ANTXRL: variants seen among roughly 807,000 people sequenced by gnomAD.
ANTXRL encodes anthrax toxin receptor-like.
In ANTXRL, 63 loss-of-function variants were observed where a neutral mutation model predicts 75.4. The ratio of observed to expected loss-of-function variants is 0.84; its 90% CI spans 0.68 to 1.03. ANTXRL has a LOEUF of 1.03. Ranked by LOEUF, ANTXRL falls within the 50% of genes least tolerant of loss-of-function variation. The pLI is 0.00. For synonymous variants in ANTXRL, 335 were observed against 291.3 expected (o/e 1.15, Z -1.53); for missense variants, 797 against 789.4 (o/e 1.01, Z -0.12).
intron 14 of ANTXRL, among the ~76,000 whole-genome samples, chr10:46,310,797 G>A (rs1838376171): frequency 6.6e-6 from 1 of 152,142 alleles, no homozygotes; most frequent in African/African-American, 2.4e-5. Flanking sequence ...AGGACCTTTT[G>A]TAAGATGCTA....
chr10:46,327,508 G>A (rs1554966745), intron 16 of ANTXRL, among the ~76,000 whole-genome samples: 1 of 152,098 alleles, frequency 6.6e-6, no homozygotes, highest in African/African-American at 2.4e-5. Context: ...CAGGGTCTGA[G>A]GGGGCACAAG....
intron 9 of ANTXRL, among the ~76,000 whole-genome samples, chr10:46,299,410 A>T (rs72790474): frequency 0.16 from 25,051 of 151,842 alleles, 1,782 homozygotes; most frequent in Non-Finnish European, 0.19. Flanking sequence ...GGGTTGTGAC[A>T]GTCCTGTGTG....
chr10:46,288,961 G>A (rs1836868345), intron 1 of ANTXRL, among the ~76,000 whole-genome samples: 1 of 152,218 alleles, frequency 6.6e-6, no homozygotes, highest in Non-Finnish European at 1.5e-5. Context: ...CAATGAGCCA[G>A]GTCATGGCCA....
chr10:46,306,887 CAGG>C lies in ANTXRL; in HGVS notation c.965+19_965+21del. 6.6e-7 allele frequency: 1 copy of C among 1,520,646 alleles called. No individual in the cohort carries two copies. The highest frequency in any genetic ancestry group is 8.8e-7 in the Non-Finnish European group (1 of 1,139,326). 94.2% of individuals were successfully genotyped at this position (1,520,646 alleles called of 1,614,324 possible). On this transcript the variant is annotated intron_variant, in intron 11 of 16. Transcript: ENST00000620264. ...AAACCTGGAGAGTAAGTGCCCCTGG[CAGG>C]AGGCTAGAGGGCAAGAGACCAGGGA...
At chr10:46,294,161 C>A (rs59064997) in intron 3 of ANTXRL, 15 of 510,240 alleles carry the variant, frequency 2.9e-5, no homozygotes, top group African/African-American at 2.3e-4. Context: ...GCCCTCTCTC[C>A]GCTCTGCCTC....
intron 1 of ANTXRL, among the ~76,000 whole-genome samples, chr10:46,291,170 A>G (rs1165642538): frequency 6.6e-6 from 1 of 152,102 alleles, no homozygotes; most frequent in Non-Finnish European, 1.5e-5. Flanking sequence ...TCCCTGCACC[A>G]TTTCTTGAAA....
intron 16 of ANTXRL, among the ~76,000 whole-genome samples, chr10:46,314,314 C>G (rs577593899): frequency 3.9e-5 from 6 of 152,132 alleles, no homozygotes; most frequent in Non-Finnish European, 8.8e-5. Context: ...GCACAGGGCT[C>G]TCAATCCCAG....
At chr10:46,322,021 A>G (rs1212942113) in intron 16 of ANTXRL, among the ~76,000 whole-genome samples, 1 of 152,124 alleles carries the variant, frequency 6.6e-6, no homozygotes, top group Non-Finnish European at 1.5e-5. Context: ...GCACAGTAAA[A>G]TGAGTTTCCT....
At chr10:46,298,993 A>G (rs1837556040) in intron 9 of ANTXRL, among the ~76,000 whole-genome samples, 1 of 151,918 alleles carries the variant, frequency 6.6e-6, no homozygotes, top group African/African-American at 2.4e-5. Context: ...GTAACCTCAC[A>G]ACGGTAAGTT....
intron 16 of ANTXRL, among the ~76,000 whole-genome samples, chr10:46,323,509 T>C (rs1839075431): frequency 1.3e-5 from 2 of 152,172 alleles, no homozygotes; most frequent in African/African-American, 2.4e-5. Flanking sequence ...AAATGCTGTG[T>C]TTGGTTGAAA....
At chr10:46,325,777 T>C (rs1017194606) in intron 16 of ANTXRL, among the ~76,000 whole-genome samples, 1 of 152,130 alleles carries the variant, frequency 6.6e-6, no homozygotes, top group African/African-American at 2.4e-5. Context: ...ATGTAAAATG[T>C]GTTCAGCATT....
At chr10:46,324,397 T>C (rs1839115912) in intron 16 of ANTXRL, among the ~76,000 whole-genome samples, 1 of 152,154 alleles carries the variant, frequency 6.6e-6, no homozygotes, top group African/African-American at 2.4e-5. Flanking sequence ...GGTAATAAAG[T>C]ATTTGAATTT....
chr10:46,289,753 A>G lies in ANTXRL; in HGVS notation c.248+2243A>G, dbSNP rs75639120. ...CAAACCCCATCCCCATCAAAACCCA[A>G]AAAACTTCTATTTCCATTAAACAAT... On this transcript the variant is annotated intron_variant, in intron 1 of 16. Transcript: ENST00000620264. 0.011 allele frequency among the ~76,000 whole-genome samples: 1,734 copies of G among 152,086 alleles called. 103 individuals are homozygous for G. The East Asian group carries it at 0.19, about 17-fold the overall frequency.
chr10:46,311,006 G>C (rs1350663166), intron 14 of ANTXRL, among the ~76,000 whole-genome samples: 2 of 152,078 alleles, frequency 1.3e-5, no homozygotes, highest in East Asian at 3.9e-4. Context: ...AGCTGGGAAG[G>C]ACACCAGCCC....
chr10:46,294,211 G>A (rs1248324570), intron 3 of ANTXRL: 2 of 410,770 alleles, frequency 4.9e-6, no homozygotes, highest in Non-Finnish European at 9.0e-6. Flanking sequence ...CAGGGTGCAG[G>A]GGCTGGCAGG....
At chr10:46,303,740 C>T (rs2132745502) in intron 10 of ANTXRL, among the ~76,000 whole-genome samples, 1 of 152,154 alleles carries the variant, frequency 6.6e-6, no homozygotes, top group South Asian at 2.1e-4. Context: ...ATCAGGGAAC[C>T]TCTGTGATGG....
At position 46,330,103 on chromosome 10, in the gene ANTXRL, T is replaced by A. The variant is rs1384423670; in HGVS notation, c.*19T>A. On this transcript the variant is annotated 3_prime_UTR_variant, in exon 17 of 17. Transcript: ENST00000620264. ...CTTCTAAGGCACCAAACACCCAAGA[T>A]TAACAGGCTTTTGTTGCTGAACTGG... 1.8e-5 allele frequency: 26 copies of A among 1,475,164 alleles called. No homozygotes were observed. The highest frequency in any genetic ancestry group is 2.3e-5 in the Non-Finnish European group (26 of 1,115,324). 91.4% of individuals were successfully genotyped at this position (1,475,164 alleles called of 1,614,324 possible). A position where few individuals can be genotyped will look rare whatever the true frequency, so the allele number is the denominator to read the frequency against.
intron 9 of ANTXRL, among the ~76,000 whole-genome samples, chr10:46,302,188 A>G (rs1837790632): frequency 6.6e-6 from 1 of 151,442 alleles, no homozygotes; most frequent in Admixed American, 6.6e-5. Flanking sequence ...CCTGGCCCTG[A>G]TGCTGTGGGT....
chr10:46,304,536 C>T (rs1254853896), intron 10 of ANTXRL, among the ~76,000 whole-genome samples: 13 of 152,038 alleles, frequency 8.6e-5, no homozygotes, highest in African/African-American at 3.1e-4. Flanking sequence ...TCTGCAATGG[C>T]TTTTGTGCAA....
Sources: allele counts gnomAD v4.1 joint callset (sites outside exome capture counted in the v4.1 genomes callset), GRCh38; gene constraint gnomAD v4.1.1; transcripts MANE v1.5; gene names NCBI Gene and HGNC (gene_info 2026-07-23, HGNC 2026-07-21).